The following PBRM1 variants were observed in gnomAD, a reference collection of about 807,000 sequenced individuals.
PBRM1 encodes polybromo 1.
Under a neutral mutation model 194.5 loss-of-function variants are expected in PBRM1, and 27 were observed. The observed-to-expected ratio is 0.14, with a 90% confidence interval of 0.10 to 0.19. PBRM1 has a LOEUF of 0.19. PBRM1 is among the 10% of genes least tolerant of loss of function. The pLI, the probability that PBRM1 is intolerant of heterozygous loss-of-function variation, is 1.00. For synonymous variants in PBRM1, 655 were observed against 693.2 expected (o/e 0.94, Z 0.87); for missense variants, 1,466 against 2,077.2 (o/e 0.71, Z 5.72).
chr3:52,657,679 A>C (rs1372992144), intron 5 of PBRM1, among the ~76,000 whole-genome samples: 1 of 152,106 alleles, frequency 6.6e-6, no homozygotes, highest in Non-Finnish European at 1.5e-5. Context: ...CACATTGGCC[A>C]GGCTGGTCTC....
intron 5 of PBRM1, among the ~76,000 whole-genome samples, chr3:52,653,548 C>T (rs1400133038): frequency 6.7e-6 from 1 of 148,682 alleles, no homozygotes; most frequent in Non-Finnish European, 1.5e-5. Flanking sequence ...GAGATTGCTC[C>T]ATTGCACTCC....
intron 2 of PBRM1, 142 bp from the exon 4 acceptor site, chr3:52,668,787 A>AG: frequency 2.4e-6 from 1 of 423,146 alleles, no homozygotes; most frequent in Non-Finnish European, 4.0e-6. Flanking sequence ...CTTACTTAAA[A>AG]AAAAAAAAAA....
At chr3:52,664,038 T>C (rs1476205217) in intron 3 of PBRM1, among the ~76,000 whole-genome samples, 2 of 144,048 alleles carry the variant, frequency 1.4e-5, no homozygotes, top group Admixed American at 1.4e-4. Flanking sequence ...CCAGCCTGGG[T>C]GACAAAGCCA....
intron 1 of PBRM1, 57 bp downstream of exon 2, chr3:52,679,517 G>A (rs2154064867): frequency 6.7e-7 from 1 of 1,491,420 alleles, no homozygotes; most frequent in Non-Finnish European, 9.2e-7. Context: ...CCATTAAAGG[G>A]AAGATAGGGG....
chr3:52,616,410 T>C (rs1018732435), intron 14 of PBRM1, among the ~76,000 whole-genome samples: 2 of 152,068 alleles, frequency 1.3e-5, no homozygotes, highest in Non-Finnish European at 2.9e-5. Context: ...TCAAGAAGCT[T>C]TGGCCAGGCG....
At chr3:52,599,745 G>C (rs1041662439) in intron 17 of PBRM1, among the ~76,000 whole-genome samples, 2 of 151,704 alleles carry the variant, frequency 1.3e-5, no homozygotes, top group African/African-American at 4.8e-5. Flanking sequence ...CAAGAGAATG[G>C]TGTGAACCCG....
intron 2 of PBRM1, among the ~76,000 whole-genome samples, chr3:52,673,387 G>A (rs1346562987): frequency 6.6e-6 from 1 of 151,504 alleles, no homozygotes; most frequent in Non-Finnish European, 1.5e-5. Context: ...CTTCACTCTC[G>A]GCCAGGTGCA....
At chr3:52,642,330 T>C (rs1002846011) in intron 9 of PBRM1, among the ~76,000 whole-genome samples, 2 of 152,032 alleles carry the variant, frequency 1.3e-5, no homozygotes, top group African/African-American at 4.8e-5. Context: ...AATTCTATTA[T>C]GAGGCTGGGC....
chr3:52,648,011 C>T (rs773303042), intron 7 of PBRM1, among the ~76,000 whole-genome samples: 36 of 151,992 alleles, frequency 2.4e-4, no homozygotes, highest in Non-Finnish European at 4.7e-4. Flanking sequence ...CGGATTCAAC[C>T]GACTCTCCTA....
intron 13 of PBRM1, among the ~76,000 whole-genome samples, 179 bp downstream of exon 14, chr3:52,627,094 A>G (rs578195869): frequency 2.0e-5 from 3 of 152,302 alleles, no homozygotes; most frequent in South Asian, 4.1e-4. Flanking sequence ...TAAAAGTAAC[A>G]TGGCACTTTT....
At chr3:52,632,502 A>G (rs2095651132) in intron 11 of PBRM1, among the ~76,000 whole-genome samples, 1 of 152,126 alleles carries the variant, frequency 6.6e-6, no homozygotes, top group African/African-American at 2.4e-5. Context: ...GGATCCCTTG[A>G]GCCCAGAGGT....
At chr3:52,588,221 T>C (rs985177951) in intron 18 of PBRM1, among the ~76,000 whole-genome samples, 1 of 152,212 alleles carries the variant, frequency 6.6e-6, no homozygotes, top group Non-Finnish European at 1.5e-5. Context: ...TTTCATGTGA[T>C]AGGCAGCTCA....
At chr3:52,663,914 G>T (rs71299612) in intron 3 of PBRM1, among the ~76,000 whole-genome samples, 10 of 152,098 alleles carry the variant, frequency 6.6e-5, no homozygotes, top group Non-Finnish European at 1.0e-4. Flanking sequence ...AAAAAAATTA[G>T]CTGGGTGTGG....
At chr3:52,639,858 A>G (rs2096002997) in intron 10 of PBRM1, among the ~76,000 whole-genome samples, 2 of 152,028 alleles carry the variant, frequency 1.3e-5, no homozygotes, top group Admixed American at 1.3e-4. Flanking sequence ...GGCGTGAGCC[A>G]GTGTACCAGC....
At chr3:52,554,773 G>C (rs200278351) in exon 27 of PBRM1, 4 of 1,580,862 alleles carry the variant, frequency 2.5e-6, no homozygotes, top group Non-Finnish European at 3.4e-6. Flanking sequence ...GAAGATGGTG[G>C]GGTGGAGGCC....
chr3:52,580,677 T>C (rs1348023168), intron 20 of PBRM1, among the ~76,000 whole-genome samples: 1 of 152,216 alleles, frequency 6.6e-6, no homozygotes, highest in African/African-American at 2.4e-5. Context: ...TGCTCTGTTT[T>C]TTAATAAATT....
chr3:52,615,837 A>G (rs1485810230), intron 14 of PBRM1, among the ~76,000 whole-genome samples: 1 of 152,234 alleles, frequency 6.6e-6, no homozygotes, highest in Non-Finnish European at 1.5e-5. Context: ...GAAACTAAAA[A>G]TATCTGATAG....
At chr3:52,568,970 C>CTCAA (rs1472424891) in intron 22 of PBRM1, among the ~76,000 whole-genome samples, 2 of 152,152 alleles carry the variant, frequency 1.3e-5, no homozygotes, top group Non-Finnish European at 2.9e-5. Flanking sequence ...TCACTGCAGC[C>CTCAA]TCAACCTCCT....
At chr3:52,669,702 A>G (rs989428733) in intron 2 of PBRM1, among the ~76,000 whole-genome samples, 3 of 152,178 alleles carry the variant, frequency 2.0e-5, no homozygotes, top group Non-Finnish European at 4.4e-5. Context: ...TTATTTTTAA[A>G]TTTGTATTCT....
Sources: allele counts gnomAD v4.1 joint callset (sites outside exome capture counted in the v4.1 genomes callset), GRCh38; gene constraint gnomAD v4.1.1; transcripts MANE v1.5; gene names NCBI Gene and HGNC (gene_info 2026-07-23, HGNC 2026-07-21).